The following IGSF11 variants were observed in gnomAD, a reference collection of about 807,000 sequenced individuals.
IGSF11 encodes immunoglobulin superfamily member 11.
IGSF11 carries 22 observed loss-of-function variants against 41.0 expected under a neutral mutation model. The ratio of observed to expected loss-of-function variants is 0.54; its 90% CI spans 0.38 to 0.77. The LOEUF is 0.77. Ranked by LOEUF, IGSF11 falls within the 30% of genes least tolerant of loss-of-function variation. The pLI is 0.00. For missense variants in IGSF11, 444 were observed against 530.8 expected, an observed-to-expected ratio of 0.84 and a Z score of 1.61; for synonymous variants, 219 against 201.3, an observed-to-expected ratio of 1.09 and a Z score of -0.74.
chr3:119,001,746 T>A (rs1936898682), intron 1 of IGSF11, among the ~76,000 whole-genome samples: 1 of 150,444 alleles, frequency 6.6e-6, no homozygotes, highest in Non-Finnish European at 1.5e-5. Context: ...CTTGTGATAG[T>A]TTACTGAGAA....
At chr3:118,965,834 T>C (rs1340763656) in intron 1 of IGSF11, among the ~76,000 whole-genome samples, 1 of 152,146 alleles carries the variant, frequency 6.6e-6, no homozygotes, top group Non-Finnish European at 1.5e-5. Flanking sequence ...TTAAAACATG[T>C]TTACTGCATA....
intron 1 of IGSF11, among the ~76,000 whole-genome samples, chr3:119,062,340 C>G (rs1287983386): frequency 6.6e-6 from 1 of 152,072 alleles, no homozygotes; most frequent in Non-Finnish European, 1.5e-5. Context: ...CTGGAAATAC[C>G]TCTGTATAGA....
At chr3:119,028,759 G>A (rs1940070960) in intron 1 of IGSF11, among the ~76,000 whole-genome samples, 1 of 151,404 alleles carries the variant, frequency 6.6e-6, no homozygotes, top group Admixed American at 6.6e-5. Context: ...TATTTACCAA[G>A]GTGTAAAGAT....
At chr3:119,050,665 T>G (rs1207030966) in intron 1 of IGSF11, among the ~76,000 whole-genome samples, 1 of 152,160 alleles carries the variant, frequency 6.6e-6, no homozygotes, top group African/African-American at 2.4e-5. Context: ...CAAAGGGTTA[T>G]AAATCATGCT....
chr3:119,118,288 C>T (rs1467415938), intron 1 of IGSF11, among the ~76,000 whole-genome samples: 1 of 152,256 alleles, frequency 6.6e-6, no homozygotes, highest in Non-Finnish European at 1.5e-5. Context: ...CATTTCCATA[C>T]ATCCTCTGAA....
chr3:119,115,726 T>C lies in IGSF11; in HGVS notation c.-13-10521A>G, dbSNP rs558417384. Among the ~76,000 whole-genome samples the C allele has an allele frequency of 5.3e-5, 8 of 152,310 alleles. No homozygotes were observed. The South Asian group carries it at 1.5e-3, about 28-fold the overall frequency. ...TCTCTTCACTTCGTTGACTGTTTCC[T>C]TTTCGGTGAAGCTTTTTAATTTAAT... On this transcript the variant is annotated intron_variant, in intron 1 of 7. Transcript: ENST00000425327.
intron 1 of IGSF11, among the ~76,000 whole-genome samples, chr3:118,942,595 G>A (rs778429081): frequency 6.6e-6 from 1 of 152,202 alleles, no homozygotes; most frequent in Non-Finnish European, 1.5e-5. Flanking sequence ...GACTCATAAT[G>A]TGGGAATTCC....
intron 1 of IGSF11, among the ~76,000 whole-genome samples, chr3:119,132,029 C>G (rs1355535461): frequency 1.3e-5 from 2 of 152,150 alleles, no homozygotes; most frequent in Non-Finnish European, 2.9e-5. Context: ...CCAGGCCTAC[C>G]TTACAAGAGC....
intron 1 of IGSF11, among the ~76,000 whole-genome samples, chr3:118,940,819 A>T (rs1943625423): frequency 6.6e-6 from 1 of 150,676 alleles, no homozygotes; most frequent in Non-Finnish European, 1.5e-5. Context: ...TGGGCAATTG[A>T]TTTCCAACAA....
intron 1 of IGSF11, among the ~76,000 whole-genome samples, chr3:119,135,399 A>G (rs1162784927): frequency 2.0e-5 from 3 of 152,206 alleles, no homozygotes; most frequent in African/African-American, 7.2e-5. Flanking sequence ...AAAAGTGGGC[A>G]AAGGATATGA....
At chr3:119,079,484 C>G (rs761551434) in intron 1 of IGSF11, among the ~76,000 whole-genome samples, 3 of 152,196 alleles carry the variant, frequency 2.0e-5, no homozygotes, top group Non-Finnish European at 2.9e-5. Context: ...GGAGATTTCT[C>G]AAAGAGCTTA....
chr3:118,916,960 A>G (rs1197688249), intron 4 of IGSF11, among the ~76,000 whole-genome samples: 1 of 152,250 alleles, frequency 6.6e-6, no homozygotes, highest in East Asian at 1.9e-4. Context: ...ATCTCACTCA[A>G]AACTGCTCAG....
At chr3:119,014,326 G>A (rs1396851395) in intron 1 of IGSF11, among the ~76,000 whole-genome samples, 1 of 152,142 alleles carries the variant, frequency 6.6e-6, no homozygotes, top group Non-Finnish European at 1.5e-5. Flanking sequence ...TACAGGCAAT[G>A]TATCCAATAC....
intron 1 of IGSF11, among the ~76,000 whole-genome samples, chr3:119,082,718 A>T (rs778962347): frequency 2.3e-4 from 35 of 152,202 alleles, no homozygotes; most frequent in Non-Finnish European, 4.7e-4. Context: ...TTCAGTTTGT[A>T]TTTAGTGTTT....
chr3:119,133,982 G>A (rs2077520390), intron 1 of IGSF11, among the ~76,000 whole-genome samples: 1 of 152,160 alleles, frequency 6.6e-6, no homozygotes, highest in South Asian at 2.1e-4. Flanking sequence ...TATCTCAACA[G>A]ATGCAGAAAA....
At chr3:119,053,926 C>T (rs567046014) in intron 1 of IGSF11, among the ~76,000 whole-genome samples, 13 of 152,260 alleles carry the variant, frequency 8.5e-5, no homozygotes, top group African/African-American at 3.1e-4. Context: ...AAAGGACCCC[C>T]TATTCAACAA....
intron 4 of IGSF11, among the ~76,000 whole-genome samples, chr3:118,909,069 G>C (rs1370525380): frequency 1.3e-5 from 2 of 152,072 alleles, no homozygotes; most frequent in African/African-American, 4.8e-5. Flanking sequence ...TACTTCTAGG[G>C]GAACTGATAT....
At chr3:118,998,016 T>C (rs995039088) in intron 1 of IGSF11, among the ~76,000 whole-genome samples, 1 of 152,200 alleles carries the variant, frequency 6.6e-6, no homozygotes, top group Non-Finnish European at 1.5e-5. Flanking sequence ...TTAACTACTG[T>C]ATACAAACAC....
chr3:119,050,674 C>T (rs1941583769), intron 1 of IGSF11, among the ~76,000 whole-genome samples: 1 of 152,072 alleles, frequency 6.6e-6, no homozygotes, highest in African/African-American at 2.4e-5. Flanking sequence ...ATAAATCATG[C>T]TGCTATAAAG....
Sources: gnomAD v4.1 joint callset for allele counts (sites outside exome capture counted in the v4.1 genomes callset) on GRCh38, gnomAD v4.1.1 for gene constraint, MANE v1.5 for transcripts, NCBI Gene and HGNC (gene_info 2026-07-23, HGNC 2026-07-21) for gene names.